Variants in FBLN1 observed in about 807,000 individuals in gnomAD.
FBLN1 encodes fibulin-1.
In FBLN1, 34 loss-of-function variants were observed where a neutral mutation model predicts 89.7. That is an observed-to-expected ratio of 0.38 (90% CI 0.29 to 0.50). The LOEUF (loss-of-function observed/expected upper bound fraction) is 0.50, where lower values mean the gene tolerates loss of function less well. FBLN1 is among the 20% of genes least tolerant of loss of function. The pLI is 0.92. For synonymous variants in FBLN1, 393 were observed against 391.3 expected (o/e 1.00, Z -0.05); for missense variants, 777 against 988.1 (o/e 0.79, Z 2.86).
chr22:45,545,053 C>T lies in FBLN1; in HGVS notation c.1321+1527C>T, dbSNP rs770578949. Among the ~76,000 whole-genome samples the T allele has an allele frequency of 1.2e-4, 19 of 152,204 alleles. No individual in the cohort carries two copies. The highest frequency in any genetic ancestry group is 7.3e-5 in the Non-Finnish European group (5 of 68,040). On this transcript the variant is annotated intron_variant, in intron 11 of 16. Coordinates refer to ENST00000327858, the MANE Select transcript of FBLN1 (RefSeq NM_006486.3). The surrounding 1 kb of genome is among the most constrained non-coding windows in gnomAD (Gnocchi z 5.9). ...AACATGGCAGGTCCTAACATTTTGC[C>T]ATGAGAATTTTCCTTCCTGATGAGA...
At position 45,521,222 on chromosome 22, in the gene FBLN1, T is replaced by A. The variant is rs2088246112; in HGVS notation, c.185+2435T>A. Among the ~76,000 whole-genome samples, 3 of 152,330 alleles carry A rather than the reference T, an allele frequency of 2.0e-5. No homozygotes were observed. In the South Asian group the frequency reaches 6.2e-4, roughly 32 times the overall value. ...ATTTCCTGGAATGTAAGAAATACCA[T>A]CAGAATGGCTGAGAGGGCATTCCTT... On this transcript the variant is annotated intron_variant, in intron 2 of 16. Transcript: ENST00000327858.
chr22:45,585,798 G>A (rs553286896), intron 16 of FBLN1, among the ~76,000 whole-genome samples: 2 of 152,278 alleles, frequency 1.3e-5, no homozygotes, highest in African/African-American at 4.8e-5. Flanking sequence ...CACCTTTTCT[G>A]CTCCCTATGT....
intron 14 of FBLN1, among the ~76,000 whole-genome samples, chr22:45,551,959 C>A (rs16994234): frequency 0.083 from 12,576 of 152,296 alleles, 767 homozygotes; most frequent in East Asian, 0.16. Context: ...GCACAGGGGC[C>A]CTGGCGCCTC....
Position 45,600,747 on chromosome 22 carries a change from A to C in FBLN1, c.*301A>C, listed in dbSNP as rs532626652. ...GGCCTTGCTAAGGGCCAAGGAAAGA[A>C]AGACATTTTTTAGGGGGCAGCCAGT... On this transcript the variant is annotated 3_prime_UTR_variant, in exon 17 of 17. Transcript: ENST00000327858. 674 of 439,184 alleles carry C rather than the reference A, an allele frequency of 1.5e-3. 12 individuals carry two copies. Among genetic ancestry groups the C allele is most frequent in the South Asian group, 0.015 (657 of 44,966 alleles). 27.2% of individuals were successfully genotyped at this position (439,184 alleles called of 1,614,324 possible).
At chr22:45,524,482 T>C (rs1449520059) in intron 2 of FBLN1, among the ~76,000 whole-genome samples, 1 of 152,120 alleles carries the variant, frequency 6.6e-6, no homozygotes, top group African/African-American at 2.4e-5. Context: ...GGTGTGGGCT[T>C]TGCAGCTAGG....
intron 16 of FBLN1, among the ~76,000 whole-genome samples, chr22:45,582,006 G>A (rs1479796577): frequency 2.6e-5 from 4 of 152,174 alleles, no homozygotes; most frequent in African/African-American, 9.7e-5. Context: ...TCCAGATCCC[G>A]CTGCTTTATT....
Position 45,543,423 on chromosome 22 carries a change from C to G in FBLN1, c.1218C>G (p.Tyr406Ter). The G allele has an allele frequency of 6.2e-7, 1 of 1,613,466 alleles. No homozygotes were observed. The highest frequency in any genetic ancestry group is 8.5e-7 in the Non-Finnish European group (1 of 1,180,014). The stretch of plus-strand genomic sequence containing the variant: ...CAGATGTCAACGAGTGCCAGCGCTA[C>G]CCCGGGCGCCTGTGTGGCCACAAGT... ...MCVDVNECQR[Y>*]PGRLCGHKCE... The change falls in exon 11 of 17, where the codon TAC becomes TAG. Residue 406 changes from tyrosine (Y) to a stop codon, truncating the protein, a stop_gained. Coordinates refer to ENST00000327858, the MANE Select transcript of FBLN1 (RefSeq NM_006486.3). LOFTEE classifies it high-confidence loss of function.
In FBLN1 at chr22:45,542,534, TTGACCCAGGACCTCCAAGTGCTGA is replaced by T. The variant is rs1734020541; in HGVS notation, c.1195+255_1195+278del. Among the ~76,000 whole-genome samples, 3 of 152,344 alleles carry T rather than the reference TTGACCCAGGACCTCCAAGTGCTGA, an allele frequency of 2.0e-5. No individual in the cohort carries two copies. The South Asian group carries it at 6.2e-4, about 32-fold the overall frequency. ...CCCCATCTGTGGAAAGGGGTTCTGC[TTGACCCAGGACCTCCAAGTGCTGA>T]TGAGCCAGGTCTACACATGTGGGCA... On this transcript the variant is annotated intron_variant, in intron 10 of 16. Transcript: ENST00000327858.
chr22:45,557,278 C>T lies in FBLN1; in HGVS notation c.1697+6663C>T, dbSNP rs142018173. The stretch of plus-strand genomic sequence containing the variant: ...CGGATGGTAGTCTTGGCAGAAGCAT[C>T]GTGTGCAGGATAGGCAAACCCATAT... On this transcript the variant is annotated intron_variant, in intron 14 of 16. Coordinates refer to ENST00000327858, the MANE Select transcript of FBLN1 (RefSeq NM_006486.3). The surrounding 1 kb of genome is among the most constrained non-coding windows in gnomAD (Gnocchi z 4.9). Among the ~76,000 whole-genome samples the T allele has an allele frequency of 1.4e-4, 21 of 152,286 alleles. No individual in the cohort carries two copies. The highest frequency in any genetic ancestry group is 2.4e-4 in the African/African-American group (10 of 41,548).
chr22:45,526,035 C>G (rs1041150184), intron 3 of FBLN1, among the ~76,000 whole-genome samples: 1 of 152,202 alleles, frequency 6.6e-6, no homozygotes, highest in African/African-American at 2.4e-5. Flanking sequence ...GGTCGGCACC[C>G]TCACCCTACC....
intron 14 of FBLN1, among the ~76,000 whole-genome samples, chr22:45,568,960 C>T (rs180928579): frequency 2.9e-4 from 44 of 152,328 alleles, no homozygotes; most frequent in African/African-American, 8.7e-4. Context: ...CCTTTGTCAT[C>T]ACATGATCTT....
intron 16 of FBLN1, among the ~76,000 whole-genome samples, chr22:45,582,379 C>T (rs2089049992): frequency 6.6e-6 from 1 of 152,198 alleles, no homozygotes; most frequent in Non-Finnish European, 1.5e-5. Context: ...GAGGAAAGAC[C>T]TCCCTGTATG....
intron 2 of FBLN1, chr22:45,523,055 T>C (rs770010387): frequency 1.4e-6 from 1 of 703,720 alleles, no homozygotes; most frequent in South Asian, 1.6e-5. Flanking sequence ...CAGGGAGGCA[T>C]AGGGGCTTCT....
At chr22:45,564,748 C>G in intron 14 of FBLN1, 1 of 1,057,252 alleles carries the variant, frequency 9.5e-7, no homozygotes, top group Non-Finnish European at 1.4e-6. Flanking sequence ...GTGCGGTGTT[C>G]CCAGCTCCTT....
In FBLN1 at chr22:45,507,798, G is replaced by T. The variant is rs28577093; in HGVS notation, c.79+4734G>T. ...CTGTCTCGGCCTCCCAAAGTGTTGGGATTACAGGCGTGAGCCACTGCGCCT... is the reference window on the plus strand; with the variant it reads ...CTGTCTCGGCCTCCCAAAGTGTTGGTATTACAGGCGTGAGCCACTGCGCCT... On this transcript the variant is annotated intron_variant, in intron 1 of 16. Coordinates refer to ENST00000327858, the MANE Select transcript of FBLN1 (RefSeq NM_006486.3). 5.0e-3 allele frequency among the ~76,000 whole-genome samples: 761 copies of T among 152,296 alleles called. 4 individuals carry two copies. The highest frequency in any genetic ancestry group is 0.018 in the African/African-American group (732 of 41,560).
At position 45,586,992 on chromosome 22, in the gene FBLN1, G is replaced by A. The variant is rs1001672662; in HGVS notation, c.1972+9884G>A. ...GGGACCTTGACATGCTGCCGTTCTC[G>A]TGAGCTTCTGGGGGACTCCTGCGAG... On this transcript the variant is annotated intron_variant, in intron 16 of 16. Transcript: ENST00000327858. Among the ~76,000 whole-genome samples, 51 of 152,094 alleles carry A rather than the reference G, an allele frequency of 3.4e-4. 1 individual carries two copies. The highest frequency in any genetic ancestry group is 1.2e-3 in the African/African-American group (48 of 41,406).
At position 45,503,062 on chromosome 22, in the gene FBLN1, G is replaced by T; in HGVS notation, c.77G>T (p.Gly26Val). 8.0e-7 allele frequency: 1 copy of T among 1,242,504 alleles called. No individual in the cohort carries two copies. The allele number at this position is 1,242,504 out of a possible 1,614,324, so 77.0% of individuals were successfully genotyped here. Reference protein sequence around the residue: ...LLGGLALLAAGVDADVLLEAC... With the variant: ...LLGGLALLAAVVDADVLLEAC... ...GGCGGCCTTGCGCTGCTGGCGGCCG[G>T]AGGTAGGGGCGTCCCGGGTCCGCCG... Residue 26 changes from glycine to valine, a missense_variant and splice_region_variant, in exon 1 of 17, where the codon GGA becomes GTA. Coordinates refer to ENST00000327858, the MANE Select transcript of FBLN1 (RefSeq NM_006486.3).
At chr22:45,515,608 G>A (rs567190644) in intron 1 of FBLN1, among the ~76,000 whole-genome samples, 2 of 152,196 alleles carry the variant, frequency 1.3e-5, no homozygotes, top group African/African-American at 4.8e-5. Flanking sequence ...TGGGGCCACA[G>A]CTCACCTGCG....
Position 45,574,607 on chromosome 22 carries a change from C to G in FBLN1, c.1794C>G (p.His598Gln). The G allele has an allele frequency of 6.2e-7, 1 of 1,614,180 alleles. No individual in the cohort carries two copies. Residue 598 changes from histidine (H) to glutamine (Q), a missense_variant, in exon 15 of 17, where the codon CAC (histidine) becomes CAG (glutamine). By Grantham distance (24) the His-to-Gln change is conservative. Transcript: ENST00000327858. The surrounding 1 kb of genome is among the most constrained non-coding windows in gnomAD (Gnocchi z 4.1). ...TCGACCCCGTGCACACCATCTCCCA[C>G]ACCGTCATCTCGCTGCCTACCTTCC... ...CVFDPVHTIS[H>Q]TVISLPTFRE...
Sources: allele counts gnomAD v4.1 joint callset (sites outside exome capture counted in the v4.1 genomes callset), GRCh38; gene constraint gnomAD v4.1.1; non-coding constraint Gnocchi (gnomAD v3.1); transcripts MANE v1.5; gene names NCBI Gene and HGNC (gene_info 2026-07-23, HGNC 2026-07-21).